The following UBP1 variants were observed in gnomAD, a reference collection of about 807,000 sequenced individuals.
The protein encoded by UBP1 is upstream binding protein 1, also known as upstream-binding protein 1.
UBP1 carries 22 observed loss-of-function variants against 76.1 expected under a neutral mutation model. The observed-to-expected ratio is 0.29, with a 90% CI of 0.21 to 0.41. UBP1 has a LOEUF of 0.41. Among genes scored for constraint, UBP1 ranks in the 10% least tolerant of loss-of-function variants. The probability of loss-of-function intolerance (pLI) is 1.00; values close to 1 mark genes in which losing one functional copy is unlikely to be tolerated. For missense variants in UBP1, 436 were observed against 668.1 expected (o/e 0.65, Z 3.83); for synonymous variants, 224 against 237.1 (o/e 0.94, Z 0.51).
At chr3:33,416,451 T>C (rs114553222) in intron 3 of UBP1, among the ~76,000 whole-genome samples, 49 of 152,336 alleles carry the variant, frequency 3.2e-4, no homozygotes, top group African/African-American at 9.9e-4. Context: ...TATGCCAACA[T>C]TGACATTCTT....
At chr3:33,424,921 T>C (rs1347026382) in intron 2 of UBP1, among the ~76,000 whole-genome samples, 2 of 152,158 alleles carry the variant, frequency 1.3e-5, no homozygotes, top group Non-Finnish European at 2.9e-5. Context: ...GGTGTGTGCC[T>C]GTAATCCCAG....
chr3:33,439,939 C>G lies in UBP1; in HGVS notation c.-91G>C. The G allele has an allele frequency of 7.0e-7, 1 of 1,422,772 alleles. No individual in the cohort carries two copies. Among genetic ancestry groups the G allele is most frequent in the Non-Finnish European group, 9.6e-7 (1 of 1,038,730 alleles). 88.1% of individuals were successfully genotyped at this position (1,422,772 alleles called of 1,614,324 possible). A position where few individuals can be genotyped will look rare whatever the true frequency, so the allele number is the denominator to read the frequency against. On this transcript the variant is annotated 5_prime_UTR_variant, in exon 1 of 16. Coordinates refer to ENST00000283629, the MANE Select transcript of UBP1 (RefSeq NM_014517.5). The stretch of plus-strand genomic sequence containing the variant: ...CGCTGGCGCGTCCTGGGGGAGGGCG[C>G]GGGTGAAGCCTCCGGAGGGGCGGCG...
chr3:33,390,517 C>G lies in UBP1; in HGVS notation c.1586-149G>C, dbSNP rs941290994. On this transcript the variant is annotated intron_variant, in intron 15 of 15. Coordinates refer to ENST00000283629, the MANE Select transcript of UBP1 (RefSeq NM_014517.5). Reference sequence around the variant, plus strand: ...AGAGAAACAAGCAGATTAACTTGCTCTAGCTCCTCTTCCCCCAAAAAACTT... The same window carrying G: ...AGAGAAACAAGCAGATTAACTTGCTGTAGCTCCTCTTCCCCCAAAAAACTT... 8 of 786,894 alleles carry G rather than the reference C, an allele frequency of 1.0e-5. No homozygotes were observed. In the Admixed American group the frequency reaches 1.6e-4, roughly 16 times the overall value. The allele number at this position is 786,894 out of a possible 1,614,324, so 48.7% of individuals were successfully genotyped here. A position where few individuals can be genotyped will look rare whatever the true frequency, so the allele number is the denominator to read the frequency against.
Position 33,425,749 on chromosome 3 carries a change from G to T in UBP1, c.114-8C>A. On this transcript the variant is annotated splice_polypyrimidine_tract_variant and splice_region_variant and intron_variant, in intron 1 of 15. Coordinates refer to ENST00000283629, the MANE Select transcript of UBP1 (RefSeq NM_014517.5). ...GGCAATGCCAAGACATCACTGAAAAGCAAAAAATCAACACTGACCTTACTT... is the reference window on the plus strand; with the variant it reads ...GGCAATGCCAAGACATCACTGAAAATCAAAAAATCAACACTGACCTTACTT... The T allele has an allele frequency of 6.4e-7, 1 of 1,566,472 alleles. No individual in the cohort carries two copies. The highest frequency in any genetic ancestry group is 8.7e-7 in the Non-Finnish European group (1 of 1,144,464).
At chr3:33,423,968 C>T (rs1028934161) in intron 2 of UBP1, among the ~76,000 whole-genome samples, 1 of 152,240 alleles carries the variant, frequency 6.6e-6, no homozygotes, top group African/African-American at 2.4e-5. Context: ...AATAAATGCA[C>T]ATCCTACATG....
At chr3:33,422,938 A>G (rs1272507892) in intron 2 of UBP1, among the ~76,000 whole-genome samples, 1 of 152,220 alleles carries the variant, frequency 6.6e-6, no homozygotes, top group Non-Finnish European at 1.5e-5. Flanking sequence ...AGCACAACAC[A>G]CTATATTATA....
intron 9 of UBP1, among the ~76,000 whole-genome samples, chr3:33,401,426 A>G (rs993412715): frequency 3.3e-5 from 5 of 152,272 alleles, no homozygotes; most frequent in East Asian, 1.9e-4. Flanking sequence ...AAATAGTACA[A>G]TGACCCTAAG....
intron 14 of UBP1, 55 bp downstream of exon 14, chr3:33,393,257 A>G: frequency 6.6e-7 from 1 of 1,506,702 alleles, no homozygotes; most frequent in South Asian, 1.3e-5. Context: ...TTCTACAATT[A>G]CATGTATAAA....
rs752855910 is a variant in UBP1, at chr3:33,409,430, C to T, written c.708+19G>A. On this transcript the variant is annotated intron_variant, in intron 6 of 15. Coordinates refer to ENST00000283629, the MANE Select transcript of UBP1 (RefSeq NM_014517.5). ...AAAACTGAGCCTTAATTACAGAAAA[C>T]CCGGGTTCTCTGTCTTACCTTAAAA... 1 of 1,613,898 alleles carries T rather than the reference C, an allele frequency of 6.2e-7. No homozygotes were observed.
intron 8 of UBP1, among the ~76,000 whole-genome samples, chr3:33,404,745 T>C (rs2044371579): frequency 6.6e-6 from 1 of 152,212 alleles, no homozygotes; most frequent in Non-Finnish European, 1.5e-5. Context: ...TTCAGGAGGA[T>C]GGACCTATTG....
intron 1 of UBP1, among the ~76,000 whole-genome samples, chr3:33,431,931 C>G (rs2045121152): frequency 6.6e-6 from 1 of 152,116 alleles, no homozygotes; most frequent in African/African-American, 2.4e-5. Context: ...GAAAGACATA[C>G]TTGACAGCCA....
intron 2 of UBP1, among the ~76,000 whole-genome samples, chr3:33,417,344 C>T (rs1276140685): frequency 2.7e-5 from 4 of 148,812 alleles, no homozygotes; most frequent in African/African-American, 7.4e-5. Flanking sequence ...TCTGCCTCTA[C>T]GATTTGCCCA....
chr3:33,428,828 C>G (rs2045064820), intron 1 of UBP1, among the ~76,000 whole-genome samples: 1 of 150,144 alleles, frequency 6.7e-6, no homozygotes, highest in Non-Finnish European at 1.5e-5. Context: ...AAAAAAAAGC[C>G]CTACGCAACC....
chr3:33,402,999 TA>T (rs1484558516), intron 8 of UBP1, 95 bp from the exon 9 acceptor site: 2 of 1,096,478 alleles, frequency 1.8e-6, no homozygotes, highest in African/African-American at 1.6e-5. Flanking sequence ...TGCAAGATTA[TA>T]AAATGCGAGA....
chr3:33,419,775 C>T (rs2044839106), intron 2 of UBP1, among the ~76,000 whole-genome samples: 1 of 152,190 alleles, frequency 6.6e-6, no homozygotes, highest in Admixed American at 6.5e-5. Context: ...CCTAATTTGT[C>T]CCCAATCCAT....
chr3:33,407,457 A>T (rs958545976), intron 8 of UBP1, among the ~76,000 whole-genome samples: 2 of 152,140 alleles, frequency 1.3e-5, no homozygotes, highest in African/African-American at 4.8e-5. Context: ...TCAGCTGAGA[A>T]ATCAGAAGAG....
chr3:33,396,863 C>G, intron 12 of UBP1, 182 bp downstream of exon 12: 1 of 695,998 alleles, frequency 1.4e-6, no homozygotes, highest in Non-Finnish European at 2.6e-6. Context: ...GTGCCTGCAT[C>G]ATATCTGGGC....
Position 33,393,208 on chromosome 3 carries a change from A to T in UBP1, c.1533+104T>A, listed in dbSNP as rs538414375. The T allele has an allele frequency of 2.5e-6, 3 of 1,191,242 alleles. No homozygotes were observed. The African/African-American group carries it at 4.7e-5, about 19-fold the overall frequency. 73.8% of individuals were successfully genotyped at this position (1,191,242 alleles called of 1,614,324 possible). On this transcript the variant is annotated intron_variant, in intron 14 of 15. Transcript: ENST00000283629. Reference sequence around the variant, plus strand: ...TCCCAACTCTCTGAAAATGATTCTCATAAGTATTTTCAAAAGAGGTCACAG... The same window carrying T: ...TCCCAACTCTCTGAAAATGATTCTCTTAAGTATTTTCAAAAGAGGTCACAG...
chr3:33,412,934 T>C (rs1367225514), intron 3 of UBP1, 107 bp from the exon 4 acceptor site: 2 of 695,036 alleles, frequency 2.9e-6, no homozygotes, highest in Non-Finnish European at 5.2e-6. Flanking sequence ...CACATACAAC[T>C]AGATTCTGTT....
Sources: gnomAD v4.1 joint callset for allele counts (sites outside exome capture counted in the v4.1 genomes callset) on GRCh38, gnomAD v4.1.1 for gene constraint, MANE v1.5 for transcripts, NCBI Gene and HGNC (gene_info 2026-07-23, HGNC 2026-07-21) for gene names.